The following NCAM2 variants were observed in gnomAD, a reference collection of about 807,000 sequenced individuals.
The protein encoded by NCAM2 is N-CAM-2.
In NCAM2, 30 loss-of-function variants were observed where a neutral mutation model predicts 98.1. That is an observed-to-expected ratio of 0.31 (90% CI 0.23 to 0.41). The LOEUF is 0.41. NCAM2 is among the 10% of genes least tolerant of loss of function. The pLI is 1.00. For synonymous variants in NCAM2, 368 were observed against 342.4 expected, an observed-to-expected ratio of 1.07 and a Z score of -0.83; for missense variants, 867 against 1,005.8, an observed-to-expected ratio of 0.86 and a Z score of 1.87.
At chr21:21,353,475 A>G (rs1195671241) in intron 8 of NCAM2, among the ~76,000 whole-genome samples, 1 of 152,288 alleles carries the variant, frequency 6.6e-6, no homozygotes, top group Admixed American at 6.5e-5. Flanking sequence ...GGCTCTTGTC[A>G]TAACCACCTT....
At chr21:21,366,726 A>G (rs551306532) in intron 8 of NCAM2, among the ~76,000 whole-genome samples, 1 of 152,074 alleles carries the variant, frequency 6.6e-6, no homozygotes, top group African/African-American at 2.4e-5. Context: ...GTAATTTTAC[A>G]AGAAGACAAG....
intron 1 of NCAM2, among the ~76,000 whole-genome samples, chr21:21,247,077 T>A (rs1393664231): frequency 3.3e-5 from 5 of 151,872 alleles, no homozygotes; most frequent in African/African-American, 1.2e-4. Context: ...CCCAGCACTT[T>A]GGGAGGCTGA....
At chr21:21,228,023 CAGGT>C (rs1377897913) in intron 1 of NCAM2, among the ~76,000 whole-genome samples, 1 of 151,656 alleles carries the variant, frequency 6.6e-6, no homozygotes, top group African/African-American at 2.4e-5. Flanking sequence ...AGGTCAATCA[CAGGT>C]AGGGAGTGGA....
At chr21:21,396,094 A>G (rs544107568) in intron 9 of NCAM2, among the ~76,000 whole-genome samples, 1 of 152,236 alleles carries the variant, frequency 6.6e-6, no homozygotes, top group East Asian at 1.9e-4. Flanking sequence ...GAGGAAGAGA[A>G]TCTTCACAAA....
At chr21:21,355,486 A>G (rs199657131) in intron 8 of NCAM2, among the ~76,000 whole-genome samples, 13 of 122,862 alleles carry the variant, frequency 1.1e-4, no homozygotes, top group Non-Finnish European at 2.1e-4. Flanking sequence ...AAAAAAAAGG[A>G]GAGAAAGAAA....
At chr21:21,354,237 T>C (rs2826809) in intron 8 of NCAM2, among the ~76,000 whole-genome samples, 39,873 of 152,030 alleles carry the variant, frequency 0.26, 5,717 homozygotes, top group Non-Finnish European at 0.33. Flanking sequence ...CTACATCCAC[T>C]AGAAATTAAT....
At chr21:21,002,472 GAGAT>G (rs2064036829) in intron 1 of NCAM2, among the ~76,000 whole-genome samples, 1 of 152,152 alleles carries the variant, frequency 6.6e-6, no homozygotes, top group Non-Finnish European at 1.5e-5. Flanking sequence ...ATGAGCTACA[GAGAT>G]TGAGGCTAGT....
intron 8 of NCAM2, among the ~76,000 whole-genome samples, chr21:21,364,564 G>T (rs2075735803): frequency 6.6e-6 from 1 of 151,698 alleles, no homozygotes; most frequent in African/African-American, 2.4e-5. Context: ...TAATGTGATT[G>T]TTTAAAAAGA....
At chr21:21,224,638 A>G (rs1437215917) in intron 1 of NCAM2, among the ~76,000 whole-genome samples, 2 of 152,128 alleles carry the variant, frequency 1.3e-5, no homozygotes, top group Admixed American at 6.6e-5. Context: ...AGAGAATATT[A>G]TCTATACAGT....
intron 1 of NCAM2, among the ~76,000 whole-genome samples, chr21:21,234,243 T>G (rs2070735322): frequency 6.6e-6 from 1 of 151,656 alleles, no homozygotes; most frequent in Non-Finnish European, 1.5e-5. Flanking sequence ...CTCTAGTTAA[T>G]GCAGGAGTAA....
intron 1 of NCAM2, among the ~76,000 whole-genome samples, chr21:21,241,735 G>GT (rs35362967): frequency 1 from 151,877 of 151,880 alleles, 75,937 homozygotes; most frequent in Non-Finnish European, 1. Flanking sequence ...AACATAATCT[G>GT]AGTTTGGACA....
intron 1 of NCAM2, among the ~76,000 whole-genome samples, chr21:21,235,398 G>T (rs1017578038): frequency 1.1e-4 from 17 of 151,954 alleles, no homozygotes; most frequent in Non-Finnish European, 2.4e-4. Context: ...AAATTTATTT[G>T]TTATGTAATA....
At chr21:21,513,888 C>T (rs9975292) in intron 16 of NCAM2, among the ~76,000 whole-genome samples, 38,551 of 151,796 alleles carry the variant, frequency 0.25, 5,275 homozygotes, top group African/African-American at 0.33. Context: ...TGGGTGCATA[C>T]ATATTTATAA....
chr21:21,377,637 T>G (rs2076063082), intron 9 of NCAM2, among the ~76,000 whole-genome samples: 1 of 151,950 alleles, frequency 6.6e-6, no homozygotes, highest in South Asian at 2.1e-4. Context: ...TATATAGTGT[T>G]AAATGATTCA....
intron 1 of NCAM2, among the ~76,000 whole-genome samples, chr21:21,140,757 A>AT (rs11399713): frequency 0.43 from 65,463 of 151,816 alleles, 14,590 homozygotes; most frequent in African/African-American, 0.54. Context: ...TTTTTCAACA[A>AT]TTTAATATGT....
chr21:21,469,905 G>C (rs1196010558), intron 14 of NCAM2, among the ~76,000 whole-genome samples: 2 of 151,978 alleles, frequency 1.3e-5, no homozygotes, highest in Non-Finnish European at 2.9e-5. Flanking sequence ...CGGTAGAAGA[G>C]AGATAATCTT....
At chr21:21,280,268 C>G (rs2147491811) in intron 1 of NCAM2, among the ~76,000 whole-genome samples, 1 of 152,138 alleles carries the variant, frequency 6.6e-6, no homozygotes, top group East Asian at 1.9e-4. Flanking sequence ...AATGTGGTCA[C>G]ACATATAAGA....
At chr21:21,265,125 T>TATACATATATAATATATATACATACA (rs1568855954) in intron 1 of NCAM2, among the ~76,000 whole-genome samples, 1 of 9,808 alleles carries the variant, frequency 1.0e-4, no homozygotes, top group South Asian at 6.6e-3. Flanking sequence ...CATACATATA[T>TATACATATATAATATATATACATACA]TATATATACA....
intron 15 of NCAM2, among the ~76,000 whole-genome samples, chr21:21,481,520 T>C (rs987408258): frequency 6.6e-6 from 1 of 152,212 alleles, no homozygotes; most frequent in Non-Finnish European, 1.5e-5. Flanking sequence ...GAGAATTGTA[T>C]GTGAGGTTAG....
Sources: gnomAD v4.1 joint callset for allele counts (sites outside exome capture counted in the v4.1 genomes callset) on GRCh38, gnomAD v4.1.1 for gene constraint, MANE v1.5 for transcripts, NCBI Gene and HGNC (gene_info 2026-07-23, HGNC 2026-07-21) for gene names.